Variants in UGT1A10 observed in about 807,000 individuals in gnomAD.
The protein encoded by UGT1A10 is UDP-glucuronosyltransferase 1A10.
UGT1A10 carries 49 observed loss-of-function variants against 45.8 expected under a neutral mutation model. That is an observed-to-expected ratio of 1.07 (90% CI 0.85 to 1.36). The LOEUF (loss-of-function observed/expected upper bound fraction) is 1.36. Among genes scored for constraint, UGT1A10 ranks in the 40% most tolerant of loss-of-function variants. The pLI, the probability that UGT1A10 is intolerant of heterozygous loss-of-function variation, is 0.00. For missense variants in UGT1A10, 745 were observed against 668.6 expected (o/e 1.11, Z -1.26); for synonymous variants, 284 against 249.7 (o/e 1.14, Z -1.29).
At chr2:233,742,982 A>G (rs555126231) in intron 1 of UGT1A10, 1 of 227,728 alleles carries the variant, frequency 4.4e-6, no homozygotes, top group South Asian at 6.4e-5. Context: ...TAAGTTTAAT[A>G]AATAGCAAAT....
At chr2:233,675,467 A>G (rs1382105098) in intron 1 of UGT1A10, among the ~76,000 whole-genome samples, 2 of 152,336 alleles carry the variant, frequency 1.3e-5, no homozygotes, top group African/African-American at 4.8e-5. Flanking sequence ...TATACCATCC[A>G]TGGCAGGTGC....
intron 1 of UGT1A10, among the ~76,000 whole-genome samples, chr2:233,756,884 T>C (rs1289001884): frequency 6.6e-6 from 1 of 152,128 alleles, no homozygotes; most frequent in Non-Finnish European, 1.5e-5. Flanking sequence ...GTAATGAGGA[T>C]GTGTTATCTC....
chr2:233,638,703 T>C (rs2073370288), intron 1 of UGT1A10, among the ~76,000 whole-genome samples: 1 of 152,212 alleles, frequency 6.6e-6, no homozygotes, highest in African/African-American at 2.4e-5. Flanking sequence ...TATGTATTGT[T>C]CTGGTTTCTT....
intron 1 of UGT1A10, among the ~76,000 whole-genome samples, chr2:233,647,669 A>G (rs903844697): frequency 1.3e-5 from 2 of 152,182 alleles, no homozygotes; most frequent in African/African-American, 2.4e-5. Context: ...TGTAGATTTT[A>G]TTGGCATGAA....
chr2:233,675,965 A>G (rs941389310), intron 1 of UGT1A10, among the ~76,000 whole-genome samples: 4 of 152,210 alleles, frequency 2.6e-5, no homozygotes, highest in Non-Finnish European at 4.4e-5. Context: ...GGATTGTCTC[A>G]CACAACATCT....
intron 1 of UGT1A10, among the ~76,000 whole-genome samples, chr2:233,717,231 A>C (rs2076558649): frequency 6.6e-6 from 1 of 152,160 alleles, no homozygotes; most frequent in African/African-American, 2.4e-5. Flanking sequence ...GAGGGTTCTT[A>C]AGATGCAGAC....
chr2:233,738,537 C>G (rs761358623), intron 1 of UGT1A10, among the ~76,000 whole-genome samples: 3 of 152,168 alleles, frequency 2.0e-5, no homozygotes, highest in Non-Finnish European at 2.9e-5. Context: ...GAAGTCCAGG[C>G]TGAGTCTCAG....
chr2:233,772,294 T>C lies in UGT1A10; in HGVS notation c.1328T>C (p.Leu443Pro). 6.2e-7 allele frequency: 1 copy of C among 1,614,228 alleles called. No individual in the cohort carries two copies. Among genetic ancestry groups the C allele is most frequent in the Non-Finnish European group, 8.5e-7 (1 of 1,180,042 alleles). Reference protein sequence around the residue: ...YKENIMRLSSLHKDRPVEPLD... With the variant: ...YKENIMRLSSPHKDRPVEPLD... Reference sequence around the variant, plus strand: ...GAGAACATCATGCGCCTCTCCAGCCTTCACAAGGACCGCCCGGTGGAGCCG... The same window carrying C: ...GAGAACATCATGCGCCTCTCCAGCCCTCACAAGGACCGCCCGGTGGAGCCG... The change falls in exon 5 of 5, where the codon CTT becomes CCT. Residue 443 changes from leucine to proline, a missense_variant. Coordinates refer to ENST00000344644, the MANE Select transcript of UGT1A10 (RefSeq NM_019075.4).
chr2:233,734,934 T>A (rs2078587664), intron 1 of UGT1A10, among the ~76,000 whole-genome samples: 1 of 152,172 alleles, frequency 6.6e-6, no homozygotes, highest in Admixed American at 6.6e-5. Flanking sequence ...TTACTTACAA[T>A]CATATGGTCA....
chr2:233,751,941 T>C (rs1479720548), intron 1 of UGT1A10, among the ~76,000 whole-genome samples: 1 of 152,170 alleles, frequency 6.6e-6, no homozygotes, highest in South Asian at 2.1e-4. Context: ...GAAGTTATAC[T>C]GAAAGGGTTT....
chr2:233,722,935 G>A (rs1228293492), intron 1 of UGT1A10, among the ~76,000 whole-genome samples: 1 of 129,296 alleles, frequency 7.7e-6, no homozygotes, highest in Non-Finnish European at 1.6e-5. Flanking sequence ...TTGTCTCCAT[G>A]CTGAGTGGGC....
At chr2:233,672,669 C>T (rs1220377929) in intron 1 of UGT1A10, 4 of 1,613,928 alleles carry the variant, frequency 2.5e-6, no homozygotes, top group South Asian at 1.1e-5. Flanking sequence ...ATGATCTCTA[C>T]AGCCACACAT....
chr2:233,762,117 T>C (rs1697974110), intron 1 of UGT1A10, among the ~76,000 whole-genome samples: 1 of 152,230 alleles, frequency 6.6e-6, no homozygotes, highest in Non-Finnish European at 1.5e-5. Context: ...CTTCACATCA[T>C]GAGCCATGTG....
At chr2:233,705,432 A>G (rs778048024) in intron 1 of UGT1A10, among the ~76,000 whole-genome samples, 4 of 152,198 alleles carry the variant, frequency 2.6e-5, no homozygotes, top group Non-Finnish European at 5.9e-5. Flanking sequence ...CTCATAACTT[A>G]TCCTTCAGAA....
intron 1 of UGT1A10, among the ~76,000 whole-genome samples, chr2:233,680,859 A>G (rs1194206807): frequency 6.6e-6 from 1 of 152,102 alleles, no homozygotes; most frequent in Non-Finnish European, 1.5e-5. Flanking sequence ...ACAGCTCATT[A>G]GAGTGCTTGG....
At chr2:233,760,612 G>C in intron 1 of UGT1A10, 1 of 1,614,218 alleles carries the variant, frequency 6.2e-7, no homozygotes, top group South Asian at 1.1e-5. Flanking sequence ...CCTGCAGCGT[G>C]TGATCAAAAC....
At chr2:233,764,298 G>A (rs1320441199) in intron 1 of UGT1A10, among the ~76,000 whole-genome samples, 1 of 152,076 alleles carries the variant, frequency 6.6e-6, no homozygotes, top group African/African-American at 2.4e-5. Flanking sequence ...GTGAAGTCAG[G>A]GTGAAGTTTA....
chr2:233,761,067 T>A, intron 1 of UGT1A10: 1 of 1,614,228 alleles, frequency 6.2e-7, no homozygotes, highest in Non-Finnish European at 8.5e-7. Context: ...GAAGTGACTT[T>A]GTGAAGGATT....
chr2:233,757,875 A>G (rs776201583), intron 1 of UGT1A10, among the ~76,000 whole-genome samples: 1 of 152,028 alleles, frequency 6.6e-6, no homozygotes, highest in Non-Finnish European at 1.5e-5. Flanking sequence ...AGTAGCTTCA[A>G]AAGGGTTCCA....
Sources: gnomAD v4.1 joint callset for allele counts (sites outside exome capture counted in the v4.1 genomes callset) on GRCh38, gnomAD v4.1.1 for gene constraint, MANE v1.5 for transcripts, NCBI Gene and HGNC (gene_info 2026-07-23, HGNC 2026-07-21) for gene names.